ESR1: variants seen among roughly 807,000 people sequenced by gnomAD.
ESR1 encodes the protein estrogen receptor.
ESR1 carries 12 observed loss-of-function variants against 52.7 expected under a neutral mutation model. The observed-to-expected ratio is 0.23, with a 90% CI of 0.15 to 0.37. The LOEUF is 0.37. Ranked by LOEUF, ESR1 falls within the 10% of genes least tolerant of loss-of-function variation. The pLI is 1.00. For missense variants in ESR1, 584 were observed against 779.7 expected, an observed-to-expected ratio of 0.75 and a Z score of 2.99; for synonymous variants, 305 against 316.8, an observed-to-expected ratio of 0.96 and a Z score of 0.39.
intron 6 of ESR1, among the ~76,000 whole-genome samples, chr6:152,067,514 C>A (rs2128977161): frequency 6.6e-6 from 1 of 152,260 alleles, no homozygotes; most frequent in Middle Eastern, 3.4e-3. Flanking sequence ...TCTCTAGGGT[C>A]CAGACATTAT....
At chr6:151,671,373 A>C (rs530802970) in intron 1 of ESR1, among the ~76,000 whole-genome samples, 2 of 152,328 alleles carry the variant, frequency 1.3e-5, no homozygotes, top group Admixed American at 1.3e-4. Context: ...AAATTCTATC[A>C]CTTGTGACAA....
chr6:151,899,129 A>AC (rs1186013888), intron 3 of ESR1, among the ~76,000 whole-genome samples: 86 of 120,842 alleles, frequency 7.1e-4, no homozygotes, highest in Middle Eastern at 4.6e-3. Flanking sequence ...CGGGGGGCTG[A>AC]CCCCCCCGCC....
intron 3 of ESR1, among the ~76,000 whole-genome samples, chr6:151,925,994 A>G (rs965995682): frequency 1.3e-5 from 2 of 152,136 alleles, no homozygotes; most frequent in African/African-American, 4.8e-5. Context: ...AGGTTTGTGT[A>G]TAAGTTTTTC....
At chr6:152,107,031 A>AT (rs1294379322), downstream of ESR1, among the ~76,000 whole-genome samples, 1 of 152,074 alleles carries the variant, frequency 6.6e-6, no homozygotes. Flanking sequence ...TGCTTTTAAG[A>AT]TTTTATCTTT....
At position 151,753,319 on chromosome 6, in the gene ESR1, A is replaced by T. The variant is rs867967379; in HGVS notation, c.-71+51314A>T. ...TTCTCAAAATGGGTTATTTGATTGC[A>T]TTTTTTTTTTTTTTTTTTGAGACAA... On this transcript the variant is annotated intron_variant, in intron 2 of 2. Transcript: ENST00000404742. Among the ~76,000 whole-genome samples the T allele has an allele frequency of 4.8e-3, 662 of 137,362 alleles. 3 individuals carry two copies. The highest frequency in any genetic ancestry group is 7.5e-3 in the South Asian group (32 of 4,290). The allele number at this position is 137,362 out of a possible 152,430, so 90.1% of individuals were successfully genotyped here. A position where few individuals can be genotyped will look rare whatever the true frequency, so the allele number is the denominator to read the frequency against.
intron 6 of ESR1, chr6:152,122,626 C>G (rs2295192): frequency 6.2e-7 from 1 of 1,613,954 alleles, no homozygotes; most frequent in African/African-American, 1.3e-5. Context: ...GCGGCCGGAC[C>G]GACCTGGCCC....
At chr6:151,709,761 A>T in intron 2 of ESR1, among the ~76,000 whole-genome samples, 1 of 149,646 alleles carries the variant, frequency 6.7e-6, no homozygotes, top group South Asian at 2.1e-4. Context: ...TGGTCAGTGG[A>T]TTGCTAAATC....
At chr6:151,806,557 T>TATATATACAC (rs1554259008), upstream of ESR1, among the ~76,000 whole-genome samples, 162 of 133,784 alleles carry the variant, frequency 1.2e-3, 1 homozygote, top group African/African-American at 4.3e-3. Flanking sequence ...TATATATATA[T>TATATATACAC]ACACATATAT....
rs540411300 is a variant in ESR1, at chr6:151,738,387, G to A, written c.-71+36382G>A. 1.9e-4 allele frequency among the ~76,000 whole-genome samples: 29 copies of A among 152,260 alleles called. 1 individual carries two copies. Among genetic ancestry groups the A allele is most frequent in the African/African-American group, 6.0e-4 (25 of 41,548 alleles). Reference sequence around the variant, plus strand: ...TATTTTGGGTATATGTCCAGAAGTGGAATTGTTGGATCATATGGTAGTTCT... The same window carrying A: ...TATTTTGGGTATATGTCCAGAAGTGAAATTGTTGGATCATATGGTAGTTCT... On this transcript the variant is annotated intron_variant, in intron 2 of 2. Coordinates refer to the ESR1 transcript ENST00000404742.
rs2044577969 is a variant in ESR1 at position 152,030,392 on chromosome 6, C to G, written c.1235+18598C>G. Among the ~76,000 whole-genome samples, 4 of 152,090 alleles carry G rather than the reference C, an allele frequency of 2.6e-5. No individual in the cohort carries two copies. The South Asian group carries it at 8.3e-4, about 32-fold the overall frequency. Reference sequence around the variant, plus strand: ...ATCAGCGTGCTGTATTCAGGAAACCCATCTCACGTGCAGAGACACACATAG... The same window carrying G: ...ATCAGCGTGCTGTATTCAGGAAACCGATCTCACGTGCAGAGACACACATAG... On this transcript the variant is annotated intron_variant, in intron 5 of 7. Coordinates refer to ENST00000206249, the MANE Select transcript of ESR1 (RefSeq NM_000125.4).
chr6:151,675,113 A>T (rs1778207555), intron 1 of ESR1, among the ~76,000 whole-genome samples: 2 of 152,230 alleles, frequency 1.3e-5, no homozygotes, highest in South Asian at 4.1e-4. Context: ...TGGCACTTGT[A>T]CTATTGAGTA....
At chr6:152,026,760 T>G (rs938491953) in intron 5 of ESR1, among the ~76,000 whole-genome samples, 1 of 152,176 alleles carries the variant, frequency 6.6e-6, no homozygotes, top group East Asian at 1.9e-4. Flanking sequence ...TTTTCTACTA[T>G]GAGCAGTAGT....
Position 151,888,470 on chromosome 6 carries a change from T to G in ESR1, c.760+7699T>G, listed in dbSNP as rs565102732. On this transcript the variant is annotated intron_variant, in intron 3 of 7. Coordinates refer to ENST00000206249, the MANE Select transcript of ESR1 (RefSeq NM_000125.4). ...TTCTTGATTTCTTTTTTTGGATAGT[T>G]TGCTGTTAGTGTATAGAAACACTAC... Among the ~76,000 whole-genome samples, 5 of 152,280 alleles carry G rather than the reference T, an allele frequency of 3.3e-5. 1 individual carries two copies. The South Asian group carries it at 1.0e-3, about 32-fold the overall frequency.
At chr6:152,027,793 C>G (rs2128849199) in intron 5 of ESR1, among the ~76,000 whole-genome samples, 1 of 152,250 alleles carries the variant, frequency 6.6e-6, no homozygotes, top group African/African-American at 2.4e-5. Context: ...CATAGAATGT[C>G]TTTTGAATAT....
At chr6:152,119,509 GC>G (rs1480777773) in intron 6 of ESR1, among the ~76,000 whole-genome samples, 2 of 152,048 alleles carry the variant, frequency 1.3e-5, no homozygotes, top group African/African-American at 4.8e-5. Context: ...TTTCCCATTT[GC>G]TTGTGCAAAT....
At chr6:151,992,085 C>T (rs995129496) in intron 4 of ESR1, among the ~76,000 whole-genome samples, 1 of 152,176 alleles carries the variant, frequency 6.6e-6, no homozygotes, top group East Asian at 1.9e-4. Context: ...TCCAACTCAA[C>T]AGTGAGCTCT....
chr6:151,777,916 C>T (rs6939642), intron 2 of ESR1, among the ~76,000 whole-genome samples: 19,614 of 151,858 alleles, frequency 0.13, 1,838 homozygotes, highest in East Asian at 0.45. Context: ...GCCGAGACTG[C>T]GCCACTGCAC....
chr6:151,789,524 G>A (rs1787326623), intron 2 of ESR1, among the ~76,000 whole-genome samples: 1 of 152,200 alleles, frequency 6.6e-6, no homozygotes, highest in Non-Finnish European at 1.5e-5. Context: ...GAGGGTGAAT[G>A]ATAGACGCAA....
intron 3 of ESR1, among the ~76,000 whole-genome samples, chr6:151,885,968 C>G (rs906052954): frequency 3.9e-5 from 6 of 151,912 alleles, no homozygotes; most frequent in Admixed American, 3.9e-4. Flanking sequence ...CAAGTGTTAG[C>G]TATTACATAT....
Sources: gnomAD v4.1 joint callset for allele counts (sites outside exome capture counted in the v4.1 genomes callset) on GRCh38, gnomAD v4.1.1 for gene constraint, MANE v1.5 for transcripts, NCBI Gene and HGNC (gene_info 2026-07-23, HGNC 2026-07-21) for gene names.